Variants in COL9A1 observed in about 807,000 individuals in gnomAD.
COL9A1 encodes the protein collagen alpha-1(IX) chain.
A neutral mutation model predicts 142.6 loss-of-function variants in COL9A1; 104 were observed. That is an observed-to-expected ratio of 0.73 (90% confidence interval 0.62 to 0.86). The LOEUF is 0.86. COL9A1 is among the 40% of genes least tolerant of loss of function. The pLI, the probability that COL9A1 is intolerant of heterozygous loss-of-function variation, is 0.00. For synonymous variants in COL9A1, 466 were observed against 396.0 expected, an observed-to-expected ratio of 1.18 and a Z score of -2.10; for missense variants, 1,210 against 1,176.6, an observed-to-expected ratio of 1.03 and a Z score of -0.42.
rs142970705 is a variant in COL9A1, at chr6:70,280,672, C to T, written c.975+140G>A. On this transcript the variant is annotated intron_variant, in intron 10 of 37. Transcript: ENST00000357250. ...TGCCAGTTCCACGATCAATCAGGCG[C>T]TGGCAGGAGGCCAAGTTTAGAGCCA... The T allele has an allele frequency of 1.7e-3, 2,301 of 1,319,640 alleles. 6 individuals carry two copies. Among genetic ancestry groups the T allele is most frequent in the Non-Finnish European group, 1.8e-3 (1,695 of 953,010 alleles). 81.7% of individuals were successfully genotyped at this position (1,319,640 alleles called of 1,614,324 possible).
At position 70,294,466 on chromosome 6, in the gene COL9A1, T is replaced by A. The variant is rs1414279319; in HGVS notation, c.397A>T (p.Ile133Phe). ...TLKKNWNIWQ[I>F]QDSSGKEQVG... ...TGCTCCTTCCCAGAGGAATCCTGAATCTGCCAAATGTTCCAGTTCTTTTTG... is the reference window on the plus strand; with the variant it reads ...TGCTCCTTCCCAGAGGAATCCTGAAACTGCCAAATGTTCCAGTTCTTTTTG... Residue 133 changes from isoleucine (I) to phenylalanine (F), a missense_variant, in exon 5 of 38, where the codon ATT (isoleucine) becomes TTT (phenylalanine). Ile to Phe is a conservative substitution (Grantham distance 21). Coordinates refer to ENST00000357250, the MANE Select transcript of COL9A1 (RefSeq NM_001851.6). 9.3e-6 allele frequency: 15 copies of A among 1,614,016 alleles called. No individual in the cohort carries two copies. The highest frequency in any genetic ancestry group is 1.3e-5 in the African/African-American group (1 of 74,932).
In COL9A1 at chr6:70,274,089, A is replaced by T. The variant is rs1276980141; in HGVS notation, c.1030-7T>A. ...CAGGCACACCAGGTTCTCCCTAAAA[A>T]TAAAAATAGTTTCATTGTACTGACC... On this transcript the variant is annotated splice_polypyrimidine_tract_variant and splice_region_variant and intron_variant, in intron 11 of 37. Coordinates refer to ENST00000357250, the MANE Select transcript of COL9A1 (RefSeq NM_001851.6). 2.5e-6 allele frequency: 4 copies of T among 1,588,922 alleles called. No homozygotes were observed. Among genetic ancestry groups the T allele is most frequent in the Non-Finnish European group, 3.4e-6 (4 of 1,165,276 alleles).
chr6:70,292,017 T>C (rs1302646805), intron 5 of COL9A1, among the ~76,000 whole-genome samples: 1 of 152,206 alleles, frequency 6.6e-6, no homozygotes, highest in African/African-American at 2.4e-5. Context: ...ATTGGTATAT[T>C]AAGCATATTA....
chr6:70,273,296 C>T (rs927201675), intron 12 of COL9A1, among the ~76,000 whole-genome samples: 8 of 152,030 alleles, frequency 5.3e-5, no homozygotes, highest in Non-Finnish European at 8.8e-5. Flanking sequence ...AGATGTTCAA[C>T]AAATTTCACT....
rs537940 is a variant in COL9A1 at position 70,255,404 on chromosome 6, A to T, written c.1504-14T>A. 12,030 of 1,613,222 alleles carry T rather than the reference A, an allele frequency of 7.5e-3. 731 individuals are homozygous for T. In the African/African-American group the frequency reaches 0.14, roughly 18 times the overall value. Reference sequence around the variant, plus strand: ...TCCTTGATCACCCTGTATGAAAATAAAATTTTGTTAATACAAGAAAAAGTT... The same window carrying T: ...TCCTTGATCACCCTGTATGAAAATATAATTTTGTTAATACAAGAAAAAGTT... On this transcript the variant is annotated splice_polypyrimidine_tract_variant and intron_variant, in intron 21 of 37. Transcript: ENST00000357250.
intron 19 of COL9A1, among the ~76,000 whole-genome samples, chr6:70,262,305 C>A (rs956468514): frequency 1.3e-5 from 2 of 152,188 alleles, no homozygotes; most frequent in African/African-American, 2.4e-5. Flanking sequence ...CCACAGATTC[C>A]CTGAAAGTTC....
rs532790601 is a variant in COL9A1, at chr6:70,253,305, A to G, written c.1764+80T>C. On this transcript the variant is annotated intron_variant, in intron 26 of 37. Coordinates refer to ENST00000357250, the MANE Select transcript of COL9A1 (RefSeq NM_001851.6). ...AAATATAAAATAAAACACATGCTGA[A>G]AATATTAAAAATTACAAATACGTTA... 239 of 1,007,396 alleles carry G rather than the reference A, an allele frequency of 2.4e-4. 1 individual carries two copies. Among genetic ancestry groups the G allele is most frequent in the Non-Finnish European group, 2.2e-4 (146 of 660,270 alleles). 62.4% of individuals were successfully genotyped at this position (1,007,396 alleles called of 1,614,324 possible). A position where few individuals can be genotyped will look rare whatever the true frequency, so the allele number is the denominator to read the frequency against.
At chr6:70,219,246 A>G (rs1260259740) in intron 37 of COL9A1, among the ~76,000 whole-genome samples, 2 of 152,172 alleles carry the variant, frequency 1.3e-5, no homozygotes, top group Non-Finnish European at 2.9e-5. Flanking sequence ...TTAAAATCAA[A>G]TCAAGTTTAG....
At chr6:70,242,859 G>A in intron 28 of COL9A1, 144 bp from the exon 29 acceptor site, 1 of 741,380 alleles carries the variant, frequency 1.3e-6, no homozygotes, top group Non-Finnish European at 2.4e-6. Context: ...ACAGCATCCT[G>A]TGTTCATCTT....
intron 33 of COL9A1, 40 bp downstream of exon 33, chr6:70,239,213 GT>G: frequency 7.7e-7 from 1 of 1,296,266 alleles, no homozygotes; most frequent in Non-Finnish European, 1.1e-6. Flanking sequence ...CTTTATTAAT[GT>G]TTTTAATTTT....
At chr6:70,274,849 A>G in intron 10 of COL9A1, 77 bp from the exon 11 acceptor site, 1 of 1,155,272 alleles carries the variant, frequency 8.7e-7, no homozygotes, top group Non-Finnish European at 1.3e-6. Flanking sequence ...CTTTCATTTT[A>G]TTTATTAATT....
At chr6:70,283,405 G>A (rs1413816596) in intron 6 of COL9A1, among the ~76,000 whole-genome samples, 2 of 152,224 alleles carry the variant, frequency 1.3e-5, no homozygotes, top group African/African-American at 4.8e-5. Flanking sequence ...GAGACTTCCC[G>A]GGTGGCCTGT....
chr6:70,226,124 T>C (rs1769211809), intron 36 of COL9A1, 115 bp from the exon 37 acceptor site: 1 of 888,518 alleles, frequency 1.1e-6, no homozygotes, highest in African/African-American at 1.7e-5. Context: ...GAAATTGCCA[T>C]AAACTAGATT....
intron 28 of COL9A1, 50 bp downstream of exon 28, chr6:70,252,070 A>G: frequency 6.3e-7 from 1 of 1,577,950 alleles, no homozygotes; most frequent in Non-Finnish European, 8.7e-7. Context: ...AAGAACATCC[A>G]GCAAAGTCCT....
intron 18 of COL9A1, among the ~76,000 whole-genome samples, chr6:70,265,529 C>A (rs551224819): frequency 6.7e-6 from 1 of 150,150 alleles, no homozygotes; most frequent in East Asian, 1.9e-4. Flanking sequence ...CTTCTGTGCC[C>A]CCAGTGCTCA....
At chr6:70,238,743 G>A (rs2127562795) in intron 33 of COL9A1, among the ~76,000 whole-genome samples, 1 of 152,234 alleles carries the variant, frequency 6.6e-6, no homozygotes, top group African/African-American at 2.4e-5. Context: ...TAGTTCAAAA[G>A]GTAAATCCAT....
chr6:70,299,027 T>A (rs1458000183), intron 4 of COL9A1, among the ~76,000 whole-genome samples: 1 of 152,104 alleles, frequency 6.6e-6, no homozygotes, highest in African/African-American at 2.4e-5. Context: ...AAAAAAAGGT[T>A]AATAATGACC....
chr6:70,270,225 A>G (rs573285464), intron 15 of COL9A1, 89 bp downstream of exon 15: 5 of 1,338,396 alleles, frequency 3.7e-6, no homozygotes, highest in East Asian at 2.3e-5. Flanking sequence ...CAATGACTCA[A>G]TTAATAGGAA....
chr6:70,263,409 A>G, intron 18 of COL9A1, 112 bp from the exon 19 acceptor site: 1 of 793,024 alleles, frequency 1.3e-6, no homozygotes. Flanking sequence ...GTGACTCCTG[A>G]ATTATTCTAC....
Sources: gnomAD v4.1 joint callset for allele counts (sites outside exome capture counted in the v4.1 genomes callset) on GRCh38, gnomAD v4.1.1 for gene constraint, MANE v1.5 for transcripts, NCBI Gene and HGNC (gene_info 2026-07-23, HGNC 2026-07-21) for gene names.